RASGRP1: variants seen among roughly 807,000 people sequenced by gnomAD.
RASGRP1 encodes RAS guanyl releasing protein 1.
A neutral mutation model predicts 95.1 loss-of-function variants in RASGRP1; 37 were observed. That is an observed-to-expected ratio of 0.39 (90% CI 0.30 to 0.51). The LOEUF is 0.51. Ranked by LOEUF, RASGRP1 falls within the 20% of genes least tolerant of loss-of-function variation. RASGRP1 has a pLI of 0.80. For missense variants in RASGRP1, 711 were observed against 965.4 expected (o/e 0.74, Z 3.49); for synonymous variants, 325 against 353.4 (o/e 0.92, Z 0.90).
rs560206482 is a variant in RASGRP1, at chr15:38,505,830, A to G, written c.1323+10T>C. 1 of 1,591,104 alleles carries G rather than the reference A, an allele frequency of 6.3e-7. No homozygotes were observed. The highest frequency in any genetic ancestry group is 2.2e-5 in the East Asian group (1 of 44,676). On this transcript the variant is annotated intron_variant, in intron 10 of 16. Coordinates refer to ENST00000310803, the MANE Select transcript of RASGRP1 (RefSeq NM_005739.4). Reference sequence around the variant, plus strand: ...CTGTTACATGTGGAGTCTTAATATGAAAAACTCACTGGAGCTCTGTGGTTC... The same window carrying G: ...CTGTTACATGTGGAGTCTTAATATGGAAAACTCACTGGAGCTCTGTGGTTC...
intron 6 of RASGRP1, among the ~76,000 whole-genome samples, chr15:38,513,925 T>G (rs752768570): frequency 3.8e-4 from 58 of 152,300 alleles, no homozygotes; most frequent in African/African-American, 1.3e-3. Flanking sequence ...GGCAAAGATG[T>G]AAGAGCCAGT....
At chr15:38,498,019 T>G (rs1452153454) in intron 15 of RASGRP1, among the ~76,000 whole-genome samples, 2 of 152,156 alleles carry the variant, frequency 1.3e-5, no homozygotes, top group Non-Finnish European at 2.9e-5. Flanking sequence ...GACCTGGTCT[T>G]AAATTAATGG....
Position 38,490,510 on chromosome 15 carries a change from A to G in RASGRP1, c.*44T>C. ...TCTGTGCATTACAGTTTAGGAAATG[A>G]GATCACTATACTCATCTACAGATTG... On this transcript the variant is annotated 3_prime_UTR_variant, in exon 17 of 17. Coordinates refer to ENST00000310803, the MANE Select transcript of RASGRP1 (RefSeq NM_005739.4). 1 of 1,582,070 alleles carries G rather than the reference A, an allele frequency of 6.3e-7. No individual in the cohort carries two copies. The highest frequency in any genetic ancestry group is 8.6e-7 in the Non-Finnish European group (1 of 1,165,556).
chr15:38,535,169 C>T (rs1293187976), intron 2 of RASGRP1, among the ~76,000 whole-genome samples: 3 of 152,168 alleles, frequency 2.0e-5, no homozygotes, highest in Non-Finnish European at 2.9e-5. Flanking sequence ...AGCAACATGC[C>T]TCAGCCATGG....
At chr15:38,519,043 T>C (rs1448557539) in intron 4 of RASGRP1, among the ~76,000 whole-genome samples, 5 of 152,174 alleles carry the variant, frequency 3.3e-5, no homozygotes, top group African/African-American at 1.2e-4. Flanking sequence ...CTTGTATAAT[T>C]AAGAACAAAA....
chr15:38,506,749 CTTCAAGGA>C (rs1214031673), intron 9 of RASGRP1, among the ~76,000 whole-genome samples: 1 of 151,864 alleles, frequency 6.6e-6, no homozygotes, highest in Admixed American at 6.6e-5. Context: ...TATGGATAGG[CTTCAAGGA>C]TTTCAGAACT....
rs201786877 is a variant in RASGRP1 at position 38,494,763 on chromosome 15, A to G, written c.1878T>C (p.Pro626=). The G allele has an allele frequency of 4.0e-6, 6 of 1,493,974 alleles. No homozygotes were observed. Among genetic ancestry groups the G allele is most frequent in the South Asian group, 2.9e-5 (2 of 69,790 alleles). The allele number at this position is 1,493,974 out of a possible 1,614,324, so 92.5% of individuals were successfully genotyped here. Residue 626 remains proline (P), a synonymous_variant, in exon 16 of 17, where the codon CCT becomes CCC. Coordinates refer to ENST00000310803, the MANE Select transcript of RASGRP1 (RefSeq NM_005739.4). ...SLGAKDLLHA[P]EEGPFTFPNG... ...TAGGGAATGTAAAAGGTCCTTCCTC[A>G]GGTGCTGTAGGAAGATACAGGACAT...
chr15:38,533,178 T>C lies in RASGRP1; in HGVS notation c.221-6774A>G, dbSNP rs1011043580. Reference sequence around the variant, plus strand: ...ATGAAGGATAGGCAAGCTGTCAGCATTGAGGGCCTAACATGAAATAACAGG... The same window carrying C: ...ATGAAGGATAGGCAAGCTGTCAGCACTGAGGGCCTAACATGAAATAACAGG... On this transcript the variant is annotated intron_variant, in intron 2 of 16. Transcript: ENST00000310803. 3.9e-5 allele frequency among the ~76,000 whole-genome samples: 6 copies of C among 152,098 alleles called. No individual in the cohort carries two copies. In the South Asian group the frequency reaches 1.2e-3, roughly 32 times the overall value.
intron 2 of RASGRP1, among the ~76,000 whole-genome samples, chr15:38,555,869 G>T (rs1240789674): frequency 2.6e-5 from 4 of 152,154 alleles, no homozygotes; most frequent in Non-Finnish European, 5.9e-5. Flanking sequence ...AGTTGTGTAT[G>T]TGTGTTGGGG....
intron 3 of RASGRP1, among the ~76,000 whole-genome samples, chr15:38,521,681 C>T (rs1595854525): frequency 1.3e-5 from 2 of 152,160 alleles, no homozygotes; most frequent in South Asian, 4.1e-4. Flanking sequence ...AACCCTCAGA[C>T]CCCATACCTT....
intron 16 of RASGRP1, among the ~76,000 whole-genome samples, chr15:38,492,328 A>G (rs191550632): frequency 1.3e-4 from 20 of 152,328 alleles, no homozygotes; most frequent in Admixed American, 2.0e-4. Flanking sequence ...CACCAAATCA[A>G]GAGTTCCACA....
intron 10 of RASGRP1, chr15:38,503,635 G>A (rs1891131758): frequency 2.1e-6 from 1 of 486,050 alleles, no homozygotes; most frequent in Non-Finnish European, 3.6e-6. Flanking sequence ...CAATCTGCCT[G>A]AGTTGCAATT....
At chr15:38,513,091 G>A in intron 6 of RASGRP1, 135 bp from the exon 7 acceptor site, 1 of 880,236 alleles carries the variant, frequency 1.1e-6, no homozygotes, top group South Asian at 2.7e-5. Flanking sequence ...AGCTCCTGGT[G>A]CTCTTCTGCA....
intron 15 of RASGRP1, among the ~76,000 whole-genome samples, chr15:38,498,296 A>G (rs1890873080): frequency 6.6e-6 from 1 of 152,224 alleles, no homozygotes; most frequent in African/African-American, 2.4e-5. Context: ...CAGTAGCTTT[A>G]GCATCTACTC....
At chr15:38,551,212 T>C (rs1366837820) in intron 2 of RASGRP1, among the ~76,000 whole-genome samples, 1 of 152,244 alleles carries the variant, frequency 6.6e-6, no homozygotes, top group Non-Finnish European at 1.5e-5. Flanking sequence ...GACTCCATCC[T>C]AAGAATATTG....
At chr15:38,538,046 C>G (rs1243390611) in intron 2 of RASGRP1, among the ~76,000 whole-genome samples, 1 of 152,076 alleles carries the variant, frequency 6.6e-6, no homozygotes, top group Non-Finnish European at 1.5e-5. Flanking sequence ...GGCAGATTAC[C>G]CGAGGTCAGG....
intron 11 of RASGRP1, 95 bp from the exon 12 acceptor site, chr15:38,502,516 G>C: frequency 2.7e-6 from 2 of 743,672 alleles, no homozygotes; most frequent in Non-Finnish European, 4.5e-6. Flanking sequence ...TTGGATAAAA[G>C]CCTTTTAACA....
chr15:38,496,523 G>A (rs575442620), intron 15 of RASGRP1, among the ~76,000 whole-genome samples: 1 of 152,236 alleles, frequency 6.6e-6, no homozygotes, highest in African/African-American at 2.4e-5. Context: ...GGTGCCCTAA[G>A]GTTATGTGTA....
intron 3 of RASGRP1, among the ~76,000 whole-genome samples, chr15:38,521,890 G>A (rs549453019): frequency 4.6e-5 from 7 of 152,200 alleles, no homozygotes; most frequent in South Asian, 4.1e-4. Flanking sequence ...GAAACTAAGC[G>A]TAAAGAAAGA....
Sources: allele counts gnomAD v4.1 joint callset (sites outside exome capture counted in the v4.1 genomes callset), GRCh38; gene constraint gnomAD v4.1.1; transcripts MANE v1.5; gene names NCBI Gene and HGNC (gene_info 2026-07-23, HGNC 2026-07-21).